Variants in FBXW7 observed in about 807,000 individuals in gnomAD.
FBXW7 encodes the protein F-box/WD repeat-containing protein 7.
In FBXW7, 11 loss-of-function variants were observed where a neutral mutation model predicts 86.3. That is an observed-to-expected ratio of 0.13 (90% confidence interval 0.08 to 0.21). The LOEUF (loss-of-function observed/expected upper bound fraction) is 0.21, where lower values mean the gene tolerates loss of function less well. FBXW7 is among the 10% of genes least tolerant of loss of function. The pLI is 1.00. For synonymous variants in FBXW7, 313 were observed against 297.9 expected (o/e 1.05, Z -0.52); for missense variants, 488 against 847.4 (o/e 0.58, Z 5.27).
intron 5 of FBXW7, 115 bp downstream of exon 5, chr4:152,349,927 T>A (rs1022242846): frequency 3.0e-5 from 14 of 472,276 alleles, no homozygotes; most frequent in Non-Finnish European, 5.1e-5. Flanking sequence ...TCAAAATGTG[T>A]TAAACAGTCA....
chr4:152,493,760 T>A (rs556469922), intron 2 of FBXW7, among the ~76,000 whole-genome samples: 8 of 152,346 alleles, frequency 5.3e-5, no homozygotes, highest in Non-Finnish European at 1.0e-4. Flanking sequence ...AACACCTTGA[T>A]CTTTGACATC....
intron 4 of FBXW7, among the ~76,000 whole-genome samples, chr4:152,351,602 A>C (rs1731824906): frequency 6.6e-6 from 1 of 152,060 alleles, no homozygotes; most frequent in South Asian, 2.1e-4. Context: ...AGATACACAC[A>C]TATATATATA....
intron 2 of FBXW7, among the ~76,000 whole-genome samples, chr4:152,433,252 T>C (rs997915607): frequency 6.6e-6 from 1 of 152,188 alleles, no homozygotes; most frequent in African/African-American, 2.4e-5. Flanking sequence ...TGCTTGCTCA[T>C]AGGGTGAGTG....
intron 4 of FBXW7, among the ~76,000 whole-genome samples, chr4:152,354,581 T>C (rs1732185432): frequency 6.6e-6 from 1 of 152,134 alleles, no homozygotes; most frequent in Non-Finnish European, 1.5e-5. Context: ...CTATTTCTAG[T>C]TGAACTAACC....
At chr4:152,365,638 G>A (rs1032710488) in intron 4 of FBXW7, among the ~76,000 whole-genome samples, 1 of 152,192 alleles carries the variant, frequency 6.6e-6, no homozygotes, top group Non-Finnish European at 1.5e-5. Context: ...AACAAGGACT[G>A]GGTTAGTTGG....
chr4:152,438,579 G>A (rs961205783), intron 2 of FBXW7, among the ~76,000 whole-genome samples: 12 of 152,246 alleles, frequency 7.9e-5, no homozygotes, highest in East Asian at 1.9e-4. Context: ...GGAGGCTGAG[G>A]AACGAGAATC....
chr4:152,535,633 C>G lies in FBXW7; in HGVS notation c.-719G>C. ...CTCCGCTCGGCGCCGCCCCCGCTCCCGGCTCCCGCATGTGTCGCTGCGGCT... is the reference window on the plus strand; with the variant it reads ...CTCCGCTCGGCGCCGCCCCCGCTCCGGGCTCCCGCATGTGTCGCTGCGGCT... On this transcript the variant is annotated 5_prime_UTR_variant, in exon 1 of 14. Transcript: ENST00000281708. The G allele has an allele frequency of 2.5e-6, 1 of 397,014 alleles. No homozygotes were observed. Among genetic ancestry groups the G allele is most frequent in the Non-Finnish European group, 4.4e-6 (1 of 224,964 alleles). The allele number at this position is 397,014 out of a possible 1,614,324, so 24.6% of individuals were successfully genotyped here.
intron 2 of FBXW7, among the ~76,000 whole-genome samples, chr4:152,487,620 G>GT (rs1745467024): frequency 6.6e-6 from 1 of 151,986 alleles, no homozygotes; most frequent in Non-Finnish European, 1.5e-5. Flanking sequence ...AGAGGCAAAA[G>GT]AATGAGATTA....
intron 4 of FBXW7, among the ~76,000 whole-genome samples, chr4:152,381,764 T>A (rs1303095532): frequency 1.3e-5 from 2 of 152,080 alleles, no homozygotes; most frequent in Non-Finnish European, 2.9e-5. Context: ...ATAATACAGC[T>A]TAAGAGGCCA....
intron 4 of FBXW7, among the ~76,000 whole-genome samples, chr4:152,402,308 A>G (rs536549866): frequency 9.5e-4 from 144 of 152,320 alleles, no homozygotes; most frequent in African/African-American, 3.3e-3. Context: ...AGGGTACCTG[A>G]TAACACAATA....
intron 4 of FBXW7, among the ~76,000 whole-genome samples, chr4:152,397,962 A>G (rs1736568381): frequency 2.0e-5 from 3 of 152,004 alleles, no homozygotes; most frequent in Admixed American, 2.0e-4. Context: ...TTCTAAAAGC[A>G]TACTTATACT....
At chr4:152,484,751 C>G (rs1180883279) in intron 2 of FBXW7, among the ~76,000 whole-genome samples, 1 of 152,100 alleles carries the variant, frequency 6.6e-6, no homozygotes, top group Non-Finnish European at 1.5e-5. Flanking sequence ...CACCTGAGGT[C>G]AGGAGTTCGA....
chr4:152,359,956 G>C (rs1321475236), intron 4 of FBXW7, among the ~76,000 whole-genome samples: 1 of 152,116 alleles, frequency 6.6e-6, no homozygotes, highest in African/African-American at 2.4e-5. Context: ...AGGGAAGAAG[G>C]AAATTACCAC....
chr4:152,439,202 G>A (rs1740648953), intron 2 of FBXW7, among the ~76,000 whole-genome samples: 1 of 152,062 alleles, frequency 6.6e-6, no homozygotes, highest in African/African-American at 2.4e-5. Flanking sequence ...AGTACAGATA[G>A]AAAATCCATG....
intron 5 of FBXW7, among the ~76,000 whole-genome samples, chr4:152,348,145 C>G (rs1004479982): frequency 2.0e-5 from 3 of 151,992 alleles, no homozygotes; most frequent in African/African-American, 7.2e-5. Flanking sequence ...ACTCCTCCAG[C>G]TGTTTTTTTC....
At chr4:152,425,360 C>A (rs1277549990) in intron 2 of FBXW7, among the ~76,000 whole-genome samples, 1 of 152,214 alleles carries the variant, frequency 6.6e-6, no homozygotes, top group Non-Finnish European at 1.5e-5. Context: ...CATATCCTAA[C>A]TCTTAATTAT....
At chr4:152,403,830 T>C (rs1737166087) in intron 4 of FBXW7, among the ~76,000 whole-genome samples, 1 of 152,080 alleles carries the variant, frequency 6.6e-6, no homozygotes, top group Non-Finnish European at 1.5e-5. Flanking sequence ...GGCCTGGGGG[T>C]TGGGGACACC....
rs183973110 is a variant in FBXW7, at chr4:152,367,685, A to T, written c.502-17561T>A. Among the ~76,000 whole-genome samples the T allele has an allele frequency of 1.9e-3, 290 of 152,268 alleles. 2 individuals carry two copies. The highest frequency in any genetic ancestry group is 0.017 in the Middle Eastern group (5 of 292). ...CATTCCTCGACTTAATCTTCAACGT[A>T]GTCAACACTATACACACTGATATCT... On this transcript the variant is annotated intron_variant, in intron 4 of 13. Transcript: ENST00000281708.
intron 4 of FBXW7, among the ~76,000 whole-genome samples, chr4:152,375,800 A>C (rs1188767664): frequency 6.6e-6 from 1 of 152,104 alleles, no homozygotes; most frequent in Non-Finnish European, 1.5e-5. Flanking sequence ...TTTTTCTGAA[A>C]AAATTTAATA....
Sources: gnomAD v4.1 joint callset for allele counts (sites outside exome capture counted in the v4.1 genomes callset) on GRCh38, gnomAD v4.1.1 for gene constraint, MANE v1.5 for transcripts, NCBI Gene and HGNC (gene_info 2026-07-23, HGNC 2026-07-21) for gene names.